SLC16A7: variants seen among roughly 807,000 people sequenced by gnomAD.
SLC16A7 encodes the protein solute carrier family 16 member 7, also known as monocarboxylate transporter 2.
Under a neutral mutation model 34.9 loss-of-function variants are expected in SLC16A7, and 33 were observed. The observed-to-expected ratio is 0.94, with a 90% CI of 0.72 to 1.26. The LOEUF (loss-of-function observed/expected upper bound fraction) is 1.26. Among genes scored for constraint, SLC16A7 ranks in the 50% most tolerant of loss-of-function variants. SLC16A7 has a pLI of 0.00. For missense variants in SLC16A7, 573 were observed against 578.1 expected (o/e 0.99, Z 0.09); for synonymous variants, 201 against 206.6 (o/e 0.97, Z 0.23).
chr12:59,718,367 A>T (rs1329199908), intron 3 of SLC16A7, among the ~76,000 whole-genome samples: 2 of 152,078 alleles, frequency 1.3e-5, no homozygotes, highest in Non-Finnish European at 2.9e-5. Flanking sequence ...TATCTAAACA[A>T]TTTTTTGCCT....
chr12:59,786,048 G>T lies in SLC16A7; in HGVS notation c.*6369G>T, dbSNP rs28693834. ...TGGGGACTGTGGTGGGGTCGGGGGA[G>T]GGGGGAGGGATAGCATTGGGAGATA... On this transcript the variant is annotated 3_prime_UTR_variant, in exon 6 of 6. Coordinates refer to ENST00000547379, the MANE Select transcript of SLC16A7 (RefSeq NM_001270623.2). 1 of 128,700 alleles carries T rather than the reference G, an allele frequency of 7.8e-6. No homozygotes were observed. Among genetic ancestry groups the T allele is most frequent in the African/African-American group, 2.9e-5 (1 of 34,430 alleles). The allele number at this position is 128,700 out of a possible 1,614,324, so 8.0% of individuals were successfully genotyped here.
chr12:59,703,950 C>A (rs1400827170), intron 2 of SLC16A7, among the ~76,000 whole-genome samples: 1 of 151,220 alleles, frequency 6.6e-6, no homozygotes, highest in Admixed American at 6.6e-5. Flanking sequence ...ACCCGTAATC[C>A]CAACACATTG....
intron 2 of SLC16A7, among the ~76,000 whole-genome samples, chr12:59,666,470 C>A (rs1388106126): frequency 1.3e-5 from 2 of 152,142 alleles, no homozygotes; most frequent in East Asian, 3.9e-4. Context: ...GTTGTGTTCC[C>A]ACTCAAATCT....
chr12:59,598,865 C>T (rs1390303457), intron 1 of SLC16A7, among the ~76,000 whole-genome samples: 1 of 152,214 alleles, frequency 6.6e-6, no homozygotes, highest in African/African-American at 2.4e-5. Flanking sequence ...AATGACAACT[C>T]TGTAATGCTC....
In SLC16A7 at chr12:59,789,718, C is replaced by G. The variant is rs1883861488; in HGVS notation, c.*10039C>G. 6.6e-6 allele frequency: 1 copy of G among 152,022 alleles called. No homozygotes were observed. Among genetic ancestry groups the G allele is most frequent in the South Asian group, 2.1e-4 (1 of 4,822 alleles). The allele number at this position is 152,022 out of a possible 1,614,324, so 9.4% of individuals were successfully genotyped here. On this transcript the variant is annotated 3_prime_UTR_variant, in exon 6 of 6. Transcript: ENST00000547379. ...TTTAGTTATTGTTTCTTACTTATCACTAATTTTTACTGCAGGTCTGTGCTG... is the reference window on the plus strand; with the variant it reads ...TTTAGTTATTGTTTCTTACTTATCAGTAATTTTTACTGCAGGTCTGTGCTG...
intron 2 of SLC16A7, among the ~76,000 whole-genome samples, chr12:59,675,495 A>G (rs1445583878): frequency 6.6e-6 from 1 of 152,206 alleles, no homozygotes; most frequent in Non-Finnish European, 1.5e-5. Flanking sequence ...GAACTGTGAA[A>G]AAAACAAATT....
chr12:59,749,724 G>T (rs556803977), intron 3 of SLC16A7, among the ~76,000 whole-genome samples: 1 of 152,214 alleles, frequency 6.6e-6, no homozygotes, highest in Non-Finnish European at 1.5e-5. Context: ...GAGAGAAGAT[G>T]TTTTGCAAGA....
intron 3 of SLC16A7, among the ~76,000 whole-genome samples, chr12:59,759,844 C>CT (rs1445518967): frequency 6.6e-6 from 1 of 152,000 alleles, no homozygotes; most frequent in African/African-American, 2.4e-5. Flanking sequence ...TATAAACAAT[C>CT]TTTTTTCTTC....
At chr12:59,731,311 C>T (rs1876925387) in intron 3 of SLC16A7, among the ~76,000 whole-genome samples, 1 of 152,168 alleles carries the variant, frequency 6.6e-6, no homozygotes, top group Non-Finnish European at 1.5e-5. Flanking sequence ...CATCCTTTTA[C>T]ATGTGTTACC....
At chr12:59,746,824 G>A (rs1002740549) in intron 3 of SLC16A7, among the ~76,000 whole-genome samples, 1 of 152,130 alleles carries the variant, frequency 6.6e-6, no homozygotes, top group Non-Finnish European at 1.5e-5. Context: ...TTTTTTTACT[G>A]TTGTTTGTAT....
In SLC16A7 at chr12:59,682,792, C is replaced by T. The variant is rs145087764; in HGVS notation, c.-30-21980C>T. Among the ~76,000 whole-genome samples the T allele has an allele frequency of 2.6e-3, 390 of 152,202 alleles. 2 individuals carry two copies. The highest frequency in any genetic ancestry group is 0.017 in the Middle Eastern group (5 of 294). On this transcript the variant is annotated intron_variant, in intron 2 of 5. Transcript: ENST00000547379. ...TTGTCTAAGTAAAACAAATTGCGGC[C>T]AGTCACAGTAGCTCACGCCTGTAAT...
At chr12:59,766,097 T>C (rs1480814992) in intron 3 of SLC16A7, among the ~76,000 whole-genome samples, 2 of 152,210 alleles carry the variant, frequency 1.3e-5, no homozygotes, top group Non-Finnish European at 2.9e-5. Flanking sequence ...TTTGAAGCAA[T>C]TGTGAATGGA....
rs1296075215 is a variant in SLC16A7 at position 59,704,846 on chromosome 12, T to C, written c.45T>C (p.Asp15=). The change falls in exon 3 of 6, where the codon GAT becomes GAC. Residue 15 remains aspartate, a synonymous_variant. Transcript: ENST00000547379. ...CCCCACCTGTGCATCCACCTCCAGA[T>C]GGAGGATGGGGTTGGATTGTGGTTG... The part of the protein sequence containing the change: ...PSAPPVHPPP[D]GGWGWIVVGA... 3 of 1,613,722 alleles carry C rather than the reference T, an allele frequency of 1.9e-6. No individual in the cohort carries two copies. The highest frequency in any genetic ancestry group is 1.7e-5 in the Admixed American group (1 of 59,974).
intron 1 of SLC16A7, among the ~76,000 whole-genome samples, chr12:59,639,262 A>G (rs1439124001): frequency 6.6e-6 from 1 of 152,162 alleles, no homozygotes; most frequent in East Asian, 1.9e-4. Context: ...GTTTATAAGC[A>G]ATAAAACAAA....
chr12:59,754,249 C>T (rs1879990466), intron 3 of SLC16A7, among the ~76,000 whole-genome samples: 1 of 152,012 alleles, frequency 6.6e-6, no homozygotes, highest in African/African-American at 2.4e-5. Flanking sequence ...CAAGAAATAA[C>T]TAAAATCAGA....
chr12:59,745,342 A>G (rs769972470), intron 3 of SLC16A7, among the ~76,000 whole-genome samples: 4 of 152,240 alleles, frequency 2.6e-5, no homozygotes, highest in Non-Finnish European at 4.4e-5. Flanking sequence ...TGTCACTGGC[A>G]TAGAGTCCTA....
rs9705753 is a variant in SLC16A7, at chr12:59,756,819, C to T, written c.218-14400C>T. ...GACACATGCACACGTATATTTATTG[C>T]GGCACTATTCACAATAGCAAAGACT... On this transcript the variant is annotated intron_variant, in intron 3 of 5. Coordinates refer to ENST00000547379, the MANE Select transcript of SLC16A7 (RefSeq NM_001270623.2). 1.2e-3 allele frequency among the ~76,000 whole-genome samples: 157 copies of T among 129,384 alleles called. 3 individuals carry two copies. The Middle Eastern group carries it at 0.015, about 12-fold the overall frequency. 84.9% of individuals were successfully genotyped at this position (129,384 alleles called of 152,430 possible).
intron 3 of SLC16A7, among the ~76,000 whole-genome samples, chr12:59,759,202 A>C (rs1882504): frequency 0.12 from 18,624 of 152,004 alleles, 1,491 homozygotes; most frequent in African/African-American, 0.22. Context: ...TAGAGTGTGA[A>C]GAAGTATCTA....
chr12:59,641,308 A>G (rs1880675586), intron 1 of SLC16A7, among the ~76,000 whole-genome samples: 2 of 152,076 alleles, frequency 1.3e-5, no homozygotes, highest in Admixed American at 6.6e-5. Context: ...ATTCCCTACT[A>G]GGGCAGAGAC....
Sources: gnomAD v4.1 joint callset for allele counts (sites outside exome capture counted in the v4.1 genomes callset) on GRCh38, gnomAD v4.1.1 for gene constraint, MANE v1.5 for transcripts, NCBI Gene and HGNC (gene_info 2026-07-23, HGNC 2026-07-21) for gene names.